Variants in FAM227B observed in about 807,000 individuals in gnomAD.
The protein encoded by FAM227B is protein FAM227B.
Under a neutral mutation model 73.8 loss-of-function variants are expected in FAM227B, and 88 were observed. The ratio of observed to expected loss-of-function variants is 1.19; its 90% CI spans 1.00 to 1.42. The LOEUF (loss-of-function observed/expected upper bound fraction) is 1.42, where lower values mean the gene tolerates loss of function less well. Ranked by LOEUF, FAM227B falls within the 40% of genes most tolerant of loss-of-function variation. The pLI is 0.00. For synonymous variants in FAM227B, 210 were observed against 190.5 expected (o/e 1.10, Z -0.84); for missense variants, 632 against 590.9 (o/e 1.07, Z -0.72).
intron 11 of FAM227B, among the ~76,000 whole-genome samples, chr15:49,422,145 A>AGAGAGAGAGAGTGTGT (rs757128514): frequency 7.2e-6 from 1 of 139,822 alleles, no homozygotes; most frequent in African/African-American, 2.5e-5. Flanking sequence ...AGAGAGAGAG[A>AGAGAGAGAGAGTGTGT]GTGTGTGTGT....
chr15:49,508,348 C>A lies in FAM227B; in HGVS notation c.875G>T (p.Gly292Val). The A allele has an allele frequency of 6.3e-7, 1 of 1,577,342 alleles. No homozygotes were observed. The highest frequency in any genetic ancestry group is 8.6e-7 in the Non-Finnish European group (1 of 1,168,640). ...LGNNIFLWCS[G>V]LKPQKGFWIH... The stretch of plus-strand genomic sequence containing the variant: ...CCAAAAGCCTTTTTGAGGTTTTAAA[C>A]CTGTTAATATAAAATACATATTTAG... The change falls in exon 11 of 16, where the codon GGT becomes GTT. Residue 292 changes from glycine to valine, a missense_variant and splice_region_variant. Coordinates refer to ENST00000299338, the MANE Select transcript of FAM227B (RefSeq NM_152647.3).
In FAM227B at chr15:49,589,913, T is replaced by A; in HGVS notation, c.200A>T (p.Tyr67Phe). Residue 67 changes from tyrosine (Y) to phenylalanine (F), a missense_variant, in exon 4 of 16, where the codon TAT becomes TTT. Transcript: ENST00000299338. Reference sequence around the variant, plus strand: ...AGGAACATTTTCCCATAGGTGTGTATAAATTGAAACAAATGAACTATCTTC... The same window carrying A: ...AGGAACATTTTCCCATAGGTGTGTAAAAATTGAAACAAATGAACTATCTTC... ...IKEDSSFVSIYTHLWENVPRI... is the reference protein window; with the variant it reads ...IKEDSSFVSIFTHLWENVPRI... The A allele has an allele frequency of 6.3e-7, 1 of 1,594,452 alleles. No individual in the cohort carries two copies. Among genetic ancestry groups the A allele is most frequent in the Non-Finnish European group, 8.6e-7 (1 of 1,162,164 alleles).
At chr15:49,598,272 T>G (rs1251920200) in intron 3 of FAM227B, among the ~76,000 whole-genome samples, 1 of 152,036 alleles carries the variant, frequency 6.6e-6, no homozygotes, top group Non-Finnish European at 1.5e-5. Flanking sequence ...AGTTAATTGC[T>G]AGTACCTAGA....
intron 3 of FAM227B, among the ~76,000 whole-genome samples, chr15:49,599,448 T>C (rs1260468482): frequency 6.6e-6 from 1 of 152,120 alleles, no homozygotes; most frequent in African/African-American, 2.4e-5. Flanking sequence ...ATTTCTGCTC[T>C]GATCTTTGTT....
chr15:49,419,970 A>G (rs556740361), intron 11 of FAM227B, among the ~76,000 whole-genome samples: 1 of 152,258 alleles, frequency 6.6e-6, no homozygotes, highest in South Asian at 2.1e-4. Flanking sequence ...AAGAAGAGAA[A>G]TGCAAAGGAT....
chr15:49,575,446 C>T (rs1474782253), intron 7 of FAM227B, among the ~76,000 whole-genome samples: 1 of 151,888 alleles, frequency 6.6e-6, no homozygotes, highest in Non-Finnish European at 1.5e-5. Flanking sequence ...CATATCTCAA[C>T]TTGAACACTA....
At chr15:49,416,923 A>G (rs1375814939) in intron 11 of FAM227B, among the ~76,000 whole-genome samples, 1 of 152,222 alleles carries the variant, frequency 6.6e-6, no homozygotes, top group Non-Finnish European at 1.5e-5. Context: ...TTCCATGTTC[A>G]TGGATAGGAA....
At chr15:49,580,238 T>C (rs1363411119) in intron 5 of FAM227B, among the ~76,000 whole-genome samples, 2 of 152,196 alleles carry the variant, frequency 1.3e-5, no homozygotes, top group East Asian at 3.8e-4. Flanking sequence ...GTAGTCACAA[T>C]TTTAAAACTT....
intron 11 of FAM227B, among the ~76,000 whole-genome samples, chr15:49,502,247 C>T (rs944137236): frequency 5.3e-5 from 8 of 152,198 alleles, no homozygotes; most frequent in South Asian, 2.1e-4. Flanking sequence ...CCTCCAGACC[C>T]GAGAACGGTA....
In FAM227B at chr15:49,518,167, T is replaced by G. The variant is rs375831354; in HGVS notation, c.875-9819A>C. 7.2e-5 allele frequency among the ~76,000 whole-genome samples: 11 copies of G among 152,334 alleles called. No individual in the cohort carries two copies. In the East Asian group the frequency reaches 7.7e-4, roughly 11 times the overall value. On this transcript the variant is annotated intron_variant, in intron 10 of 15. Coordinates refer to ENST00000299338, the MANE Select transcript of FAM227B (RefSeq NM_152647.3). Reference sequence around the variant, plus strand: ...ATGTACCTGGAAGTCATACATATTCTGTGACAAAAGTATGCATATGCTCAG... The same window carrying G: ...ATGTACCTGGAAGTCATACATATTCGGTGACAAAAGTATGCATATGCTCAG...
intron 8 of FAM227B, among the ~76,000 whole-genome samples, chr15:49,570,453 C>T (rs1177866541): frequency 1.3e-5 from 2 of 151,726 alleles, no homozygotes; most frequent in South Asian, 2.1e-4. Flanking sequence ...TGTATGTCTT[C>T]CTTTGAGAAG....
chr15:49,579,105 G>A (rs1042045222), intron 5 of FAM227B, among the ~76,000 whole-genome samples: 8 of 152,090 alleles, frequency 5.3e-5, no homozygotes, highest in Non-Finnish European at 2.9e-5. Flanking sequence ...AACCCACAAT[G>A]AAATATCATC....
intron 9 of FAM227B, among the ~76,000 whole-genome samples, chr15:49,557,011 G>C (rs562931548): frequency 2.6e-5 from 4 of 152,190 alleles, no homozygotes; most frequent in Admixed American, 2.0e-4. Context: ...GAGTCACTGG[G>C]GCCAGGAAGA....
intron 11 of FAM227B, among the ~76,000 whole-genome samples, chr15:49,419,772 A>T (rs57959122): frequency 3.2e-4 from 49 of 151,424 alleles, no homozygotes; most frequent in Admixed American, 1.1e-3. Context: ...TTTTATTATT[A>T]TTATTTTTTT....
At chr15:49,591,392 CCCT>C (rs1461327790) in intron 3 of FAM227B, among the ~76,000 whole-genome samples, 3 of 136,618 alleles carry the variant, frequency 2.2e-5, no homozygotes, top group East Asian at 2.2e-4. Context: ...TTCCCTCCCT[CCCT>C]CCTTCCTTCC....
At chr15:49,348,158 A>T (rs1190038761) in intron 13 of FAM227B, among the ~76,000 whole-genome samples, 1 of 152,224 alleles carries the variant, frequency 6.6e-6, no homozygotes, top group Non-Finnish European at 1.5e-5. Flanking sequence ...GTTGATTTAC[A>T]GAAATTCCAG....
At chr15:49,532,583 A>C (rs2060691516) in intron 10 of FAM227B, among the ~76,000 whole-genome samples, 1 of 151,872 alleles carries the variant, frequency 6.6e-6, no homozygotes. Context: ...AAATTGCTTC[A>C]GAATAACGCA....
At chr15:49,449,129 A>G (rs2052492822) in intron 11 of FAM227B, among the ~76,000 whole-genome samples, 1 of 151,984 alleles carries the variant, frequency 6.6e-6, no homozygotes, top group Admixed American at 6.6e-5. Flanking sequence ...TGATACCTTC[A>G]GTCTGTAGAG....
At chr15:49,583,654 CA>C (rs200243389) in intron 5 of FAM227B, among the ~76,000 whole-genome samples, 1,526 of 103,554 alleles carry the variant, frequency 0.015, 20 homozygotes, top group African/African-American at 0.05. Flanking sequence ...TTTCACTTGG[CA>C]AAAAAAAAAA....
Sources: gnomAD v4.1 joint callset for allele counts (sites outside exome capture counted in the v4.1 genomes callset) on GRCh38, gnomAD v4.1.1 for gene constraint, MANE v1.5 for transcripts, NCBI Gene and HGNC (gene_info 2026-07-23, HGNC 2026-07-21) for gene names.